JMY: variants seen among roughly 807,000 people sequenced by gnomAD.
The protein encoded by JMY is junction mediating and regulatory protein, p53 cofactor, also known as junction-mediating and -regulatory protein.
Under a neutral mutation model 103.3 loss-of-function variants are expected in JMY, and 46 were observed. That is an observed-to-expected ratio of 0.45 (90% CI 0.35 to 0.57). JMY has a LOEUF of 0.57. Ranked by LOEUF, JMY falls within the 20% of genes least tolerant of loss-of-function variation. JMY has a pLI of 0.00. For missense variants in JMY, 1,238 were observed against 1,255.2 expected, an observed-to-expected ratio of 0.99 and a Z score of 0.21; for synonymous variants, 526 against 489.3, an observed-to-expected ratio of 1.07 and a Z score of -0.99.
intron 2 of JMY, among the ~76,000 whole-genome samples, chr5:79,286,614 G>C (rs534888996): frequency 6.6e-6 from 1 of 151,622 alleles, no homozygotes; most frequent in East Asian, 1.9e-4. Flanking sequence ...CTGCACTCCA[G>C]TGTGGGTGAC....
rs1473819029 is a variant in JMY at position 79,322,791 on chromosome 5, A to T, written c.*1189A>T. 1 of 152,246 alleles carries T rather than the reference A, an allele frequency of 6.6e-6. No homozygotes were observed. The highest frequency in any genetic ancestry group is 1.9e-4 in the East Asian group (1 of 5,204). 9.4% of individuals were successfully genotyped at this position (152,246 alleles called of 1,614,324 possible). On this transcript the variant is annotated 3_prime_UTR_variant, in exon 11 of 11. Coordinates refer to ENST00000396137, the MANE Select transcript of JMY (RefSeq NM_152405.5). ...TGAATACATGTAGATCATTGGACTC[A>T]GTGTGCAGTACCCTGTACATATAAT...
chr5:79,260,610 C>G lies in JMY; in HGVS notation c.1033-17300C>G, dbSNP rs533452380. Among the ~76,000 whole-genome samples the G allele has an allele frequency of 2.0e-5, 3 of 149,838 alleles. No homozygotes were observed. In the South Asian group the frequency reaches 6.3e-4, roughly 31 times the overall value. ...TTTGCCATGTTGCCCAGGCTGGTCT[C>G]AAACCCTTGAGCTCAAGTGATCCAC... is the stretch of plus-strand genomic sequence containing the variant. On this transcript the variant is annotated intron_variant, in intron 1 of 10. Transcript: ENST00000396137.
intron 1 of JMY, among the ~76,000 whole-genome samples, chr5:79,270,920 G>T (rs185119309): frequency 1.6e-4 from 24 of 151,910 alleles, no homozygotes; most frequent in African/African-American, 5.8e-4. Context: ...TTTTGTAGTA[G>T]ATGACAATTG....
rs1471859908 is a variant in JMY, at chr5:79,237,526, C to T, written c.876C>T (p.Tyr292=). 2.5e-6 allele frequency: 4 copies of T among 1,613,794 alleles called. No individual in the cohort carries two copies. The highest frequency in any genetic ancestry group is 3.4e-6 in the Non-Finnish European group (4 of 1,180,018). Residue 292 remains tyrosine (Y), a synonymous_variant, in exon 1 of 11, where the codon TAC becomes TAT. Coordinates refer to ENST00000396137, the MANE Select transcript of JMY (RefSeq NM_152405.5). The part of the protein sequence containing the change: ...IDTLCYQLQV[Y]LGHGLDTCGW... ...CTCTGTGTTACCAGCTCCAGGTCTA[C>T]CTGGGCCACGGCCTGGACACCTGCG... is the stretch of plus-strand genomic sequence containing the variant.
intron 1 of JMY, among the ~76,000 whole-genome samples, chr5:79,248,331 G>GAGTC (rs1180257725): frequency 6.6e-6 from 1 of 151,094 alleles, no homozygotes; most frequent in Non-Finnish European, 1.5e-5. Flanking sequence ...TTTTGAGACA[G>GAGTC]AGTCTCCCTC....
At chr5:79,272,893 C>G (rs543591892) in intron 1 of JMY, among the ~76,000 whole-genome samples, 7 of 152,320 alleles carry the variant, frequency 4.6e-5, no homozygotes, top group South Asian at 2.1e-4. Flanking sequence ...GCCTCGGCCT[C>G]CCAAAGTGCT....
At chr5:79,254,258 T>C (rs965302842) in intron 1 of JMY, among the ~76,000 whole-genome samples, 1 of 152,100 alleles carries the variant, frequency 6.6e-6, no homozygotes. Context: ...CGCCCCAGCT[T>C]GGTAGATGAC....
intron 1 of JMY, among the ~76,000 whole-genome samples, chr5:79,266,629 A>C (rs1397725336): frequency 2.6e-5 from 4 of 152,164 alleles, no homozygotes; most frequent in Non-Finnish European, 5.9e-5. Context: ...ATAAACAATA[A>C]ATTACTGTTA....
chr5:79,278,117 C>T (rs1436934146), intron 2 of JMY, 34 bp downstream of exon 2: 2 of 1,543,334 alleles, frequency 1.3e-6, no homozygotes, highest in South Asian at 1.2e-5. Flanking sequence ...AGTAGCCTGC[C>T]TGTTTCATAG....
Position 79,291,261 on chromosome 5 carries a change from A to G in JMY, c.1489A>G (p.Ile497Val), listed in dbSNP as rs1746412735. 1 of 1,609,428 alleles carries G rather than the reference A, an allele frequency of 6.2e-7. No homozygotes were observed. Among genetic ancestry groups the G allele is most frequent in the Non-Finnish European group, 8.5e-7 (1 of 1,178,410 alleles). Residue 497 changes from isoleucine (I) to valine (V), a missense_variant, in exon 4 of 11, where the codon ATA (isoleucine) becomes GTA (valine). Physicochemically the swap from Ile to Val is conservative, Grantham distance 29 (BLOSUM62 3). Coordinates refer to ENST00000396137, the MANE Select transcript of JMY (RefSeq NM_152405.5). ...ETLQMMRAKE[I>V]CLEQRKHALK... ...TTTGCAGATGATGAGAGCTAAAGAG[A>G]TATGCTTGGAACAGCGGAAACATGC...
At chr5:79,268,352 C>T (rs1012837805) in intron 1 of JMY, among the ~76,000 whole-genome samples, 8 of 152,082 alleles carry the variant, frequency 5.3e-5, no homozygotes, top group Non-Finnish European at 8.8e-5. Flanking sequence ...CTGGTTGTTC[C>T]GCATCCTCTA....
intron 1 of JMY, among the ~76,000 whole-genome samples, chr5:79,265,866 C>T (rs527831950): frequency 6.6e-6 from 1 of 151,476 alleles, no homozygotes; most frequent in South Asian, 2.1e-4. Context: ...CTGCAACCTC[C>T]GCCTCCCAGG....
intron 2 of JMY, among the ~76,000 whole-genome samples, chr5:79,282,375 A>T (rs1746144038): frequency 6.6e-6 from 1 of 152,208 alleles, no homozygotes; most frequent in African/African-American, 2.4e-5. Context: ...ATAAAAATGA[A>T]TGTACACATT....
At chr5:79,255,280 A>G (rs898286752) in intron 1 of JMY, among the ~76,000 whole-genome samples, 8 of 151,976 alleles carry the variant, frequency 5.3e-5, no homozygotes, top group African/African-American at 1.9e-4. Context: ...TATTTTTAGT[A>G]GAGATGGGGT....
chr5:79,253,267 A>G (rs1005608946), intron 1 of JMY, among the ~76,000 whole-genome samples: 3 of 151,030 alleles, frequency 2.0e-5, no homozygotes, highest in African/African-American at 2.4e-5. Flanking sequence ...TAAGTTGTCT[A>G]ACCGTTATTT....
chr5:79,297,157 C>T (rs1746586434), intron 4 of JMY, among the ~76,000 whole-genome samples: 1 of 152,180 alleles, frequency 6.6e-6, no homozygotes, highest in Non-Finnish European at 1.5e-5. Context: ...TAGTCATTAC[C>T]TGGATCACAT....
intron 10 of JMY, among the ~76,000 whole-genome samples, chr5:79,320,564 G>A (rs1469087027): frequency 2.0e-5 from 3 of 152,066 alleles, no homozygotes; most frequent in African/African-American, 7.2e-5. Flanking sequence ...ACCCTCCTCA[G>A]CCTCCCAAAG....
chr5:79,311,730 T>C (rs1011891677), intron 7 of JMY, among the ~76,000 whole-genome samples: 1 of 152,236 alleles, frequency 6.6e-6, no homozygotes, highest in Non-Finnish European at 1.5e-5. Context: ...AAAAATAAGC[T>C]GTGATACTAA....
intron 10 of JMY, among the ~76,000 whole-genome samples, chr5:79,316,910 A>AG (rs1747244651): frequency 2.8e-5 from 4 of 144,320 alleles, no homozygotes; most frequent in Non-Finnish European, 4.4e-5. Flanking sequence ...AAAAAAAAAA[A>AG]AAAAAAAAAA....
Sources: allele counts gnomAD v4.1 joint callset (sites outside exome capture counted in the v4.1 genomes callset), GRCh38; gene constraint gnomAD v4.1.1; transcripts MANE v1.5; gene names NCBI Gene and HGNC (gene_info 2026-07-23, HGNC 2026-07-21).